Variants in CLSTN2 observed in about 807,000 individuals in gnomAD.
CLSTN2 encodes calsyntenin 2.
A neutral mutation model predicts 101.2 loss-of-function variants in CLSTN2; 48 were observed. The ratio of observed to expected loss-of-function variants is 0.47; its 90% CI spans 0.38 to 0.60. The LOEUF (loss-of-function observed/expected upper bound fraction) is 0.60, where lower values mean the gene tolerates loss of function less well. CLSTN2 is among the 20% of genes least tolerant of loss of function. The pLI is 0.00. For synonymous variants in CLSTN2, 481 were observed against 463.6 expected (o/e 1.04, Z -0.48); for missense variants, 1,160 against 1,238.2 (o/e 0.94, Z 0.95).
chr3:140,066,000 T>C (rs906005783), intron 1 of CLSTN2, among the ~76,000 whole-genome samples: 1 of 152,196 alleles, frequency 6.6e-6, no homozygotes, highest in Non-Finnish European at 1.5e-5. Context: ...TCACCACCAC[T>C]GATTGATGGG....
chr3:140,221,232 A>C (rs2086269663), intron 2 of CLSTN2, among the ~76,000 whole-genome samples: 1 of 152,232 alleles, frequency 6.6e-6, no homozygotes, highest in South Asian at 2.1e-4. Context: ...CTCTGAAAAC[A>C]GAAAGTGTTT....
chr3:140,281,053 G>A (rs1176849633), intron 2 of CLSTN2, among the ~76,000 whole-genome samples: 1 of 152,192 alleles, frequency 6.6e-6, no homozygotes, highest in Non-Finnish European at 1.5e-5. Flanking sequence ...GAGTGGCCAT[G>A]GTTGAGTTTC....
At chr3:140,276,832 T>G (rs2086798868) in intron 2 of CLSTN2, among the ~76,000 whole-genome samples, 1 of 152,130 alleles carries the variant, frequency 6.6e-6, no homozygotes, top group Non-Finnish European at 1.5e-5. Flanking sequence ...TATTCCTCAT[T>G]AGTTGAGTGT....
chr3:140,028,255 C>T (rs956908980), intron 1 of CLSTN2, among the ~76,000 whole-genome samples: 13 of 152,130 alleles, frequency 8.5e-5, no homozygotes, highest in African/African-American at 3.1e-4. Flanking sequence ...GCTGTCCATT[C>T]CCAGCAAGTG....
intron 1 of CLSTN2, among the ~76,000 whole-genome samples, chr3:140,092,340 G>A (rs555783715): frequency 6.6e-6 from 1 of 152,346 alleles, no homozygotes; most frequent in Non-Finnish European, 1.5e-5. Context: ...ACATGCCCCT[G>A]TTTTGCTCTC....
chr3:140,017,966 T>C (rs1056318032), intron 1 of CLSTN2, among the ~76,000 whole-genome samples: 1 of 152,212 alleles, frequency 6.6e-6, no homozygotes, highest in African/African-American at 2.4e-5. Context: ...TGGAGGAAGA[T>C]ATCATCTTGG....
intron 2 of CLSTN2, among the ~76,000 whole-genome samples, chr3:140,393,244 C>A (rs2088139166): frequency 6.6e-6 from 1 of 152,052 alleles, no homozygotes; most frequent in African/African-American, 2.4e-5. Context: ...CCATCTCAGC[C>A]CCATGTTTGG....
At chr3:140,222,793 G>A (rs903849905) in intron 2 of CLSTN2, among the ~76,000 whole-genome samples, 1 of 149,866 alleles carries the variant, frequency 6.7e-6, no homozygotes, top group Admixed American at 6.7e-5. Flanking sequence ...CACATTATAT[G>A]CCTGTATCAA....
chr3:140,072,529 G>T (rs980198161), intron 1 of CLSTN2, among the ~76,000 whole-genome samples: 1 of 152,178 alleles, frequency 6.6e-6, no homozygotes, highest in Non-Finnish European at 1.5e-5. Context: ...TTACAGTGGG[G>T]TTGTGTAGAC....
At chr3:140,099,356 G>A (rs886295210) in intron 1 of CLSTN2, among the ~76,000 whole-genome samples, 1 of 152,028 alleles carries the variant, frequency 6.6e-6, no homozygotes, top group African/African-American at 2.4e-5. Flanking sequence ...GCATTCCTTG[G>A]CTTGTGGCTG....
chr3:140,229,702 C>T lies in CLSTN2; in HGVS notation c.232+53629C>T, dbSNP rs151283868. Among the ~76,000 whole-genome samples, 243 of 152,066 alleles carry T rather than the reference C, an allele frequency of 1.6e-3. 1 individual carries two copies. The highest frequency in any genetic ancestry group is 1.9e-3 in the Non-Finnish European group (127 of 67,998). On this transcript the variant is annotated intron_variant, in intron 2 of 16. Coordinates refer to ENST00000458420, the MANE Select transcript of CLSTN2 (RefSeq NM_022131.3). Reference sequence around the variant, plus strand: ...TCTGATAGGCTTAAAACCCTGCTCCCGCTCTCACCTTCTCCACACATTCCT... The same window carrying T: ...TCTGATAGGCTTAAAACCCTGCTCCTGCTCTCACCTTCTCCACACATTCCT...
intron 8 of CLSTN2, among the ~76,000 whole-genome samples, chr3:140,528,631 T>C (rs563474675): frequency 3.8e-5 from 4 of 104,000 alleles, no homozygotes; most frequent in African/African-American, 2.4e-4. Context: ...ACCTAGTGCC[T>C]CTGACAAAAA....
At chr3:140,187,054 G>T (rs1447088445) in intron 2 of CLSTN2, among the ~76,000 whole-genome samples, 1 of 152,178 alleles carries the variant, frequency 6.6e-6, no homozygotes, top group Non-Finnish European at 1.5e-5. Flanking sequence ...CCACTGCATG[G>T]CCCTTGGCCC....
chr3:140,041,656 T>C (rs576236059), intron 1 of CLSTN2, among the ~76,000 whole-genome samples: 1 of 152,214 alleles, frequency 6.6e-6, no homozygotes, highest in African/African-American at 2.4e-5. Context: ...GCTTTGCACA[T>C]GTTGCTCTTT....
At chr3:139,968,707 G>T (rs1935645464) in intron 1 of CLSTN2, among the ~76,000 whole-genome samples, 1 of 152,168 alleles carries the variant, frequency 6.6e-6, no homozygotes, top group Non-Finnish European at 1.5e-5. Flanking sequence ...TTCGTGGTTT[G>T]GTTAGTTTGG....
chr3:140,561,841 A>T (rs1223603139), intron 12 of CLSTN2, among the ~76,000 whole-genome samples: 1 of 152,206 alleles, frequency 6.6e-6, no homozygotes, highest in East Asian at 1.9e-4. Flanking sequence ...ACTGAGTGGT[A>T]GGTAGTTCCT....
At chr3:140,470,916 G>A (rs1307189824) in intron 8 of CLSTN2, among the ~76,000 whole-genome samples, 2 of 152,128 alleles carry the variant, frequency 1.3e-5, no homozygotes, top group Non-Finnish European at 2.9e-5. Flanking sequence ...AGCCCTTCAG[G>A]AGTGCTGCTG....
chr3:140,101,735 C>T (rs2008969563), intron 1 of CLSTN2, among the ~76,000 whole-genome samples: 1 of 152,214 alleles, frequency 6.6e-6, no homozygotes. Flanking sequence ...TGGTTCAGAG[C>T]TTCAGGCTGC....
Position 139,935,542 on chromosome 3 carries a change from G to A in CLSTN2, c.109+59G>A. On this transcript the variant is annotated intron_variant, in intron 1 of 16. Coordinates refer to ENST00000458420, the MANE Select transcript of CLSTN2 (RefSeq NM_022131.3). The surrounding 1 kb of genome is among the most constrained non-coding windows in gnomAD (Gnocchi z 5.5). ...AGGGAGGCAGGGCAGGCTTGAGGGT[G>A]AAAGCGGCAAGGACCTAGGCTCAAG... The A allele has an allele frequency of 2.1e-6, 2 of 931,276 alleles. No homozygotes were observed. Among genetic ancestry groups the A allele is most frequent in the Non-Finnish European group, 2.8e-6 (2 of 713,296 alleles). 57.7% of individuals were successfully genotyped at this position (931,276 alleles called of 1,614,324 possible). A position where few individuals can be genotyped will look rare whatever the true frequency, so the allele number is the denominator to read the frequency against.
Sources: allele counts gnomAD v4.1 joint callset (sites outside exome capture counted in the v4.1 genomes callset), GRCh38; gene constraint gnomAD v4.1.1; non-coding constraint Gnocchi (gnomAD v3.1); transcripts MANE v1.5; gene names NCBI Gene and HGNC (gene_info 2026-07-23, HGNC 2026-07-21).